The following SYT9 variants were observed in gnomAD, a reference collection of about 807,000 sequenced individuals.
The protein encoded by SYT9 is synaptotagmin-9.
Under a neutral mutation model 48.4 loss-of-function variants are expected in SYT9, and 22 were observed. That is an observed-to-expected ratio of 0.45 (90% confidence interval 0.32 to 0.65). SYT9 has a LOEUF of 0.65. Among genes scored for constraint, SYT9 ranks in the 30% least tolerant of loss-of-function variants. SYT9 has a pLI of 0.03. For missense variants in SYT9, 577 were observed against 622.0 expected, an observed-to-expected ratio of 0.93 and a Z score of 0.77; for synonymous variants, 265 against 245.0, an observed-to-expected ratio of 1.08 and a Z score of -0.76.
intron 3 of SYT9, among the ~76,000 whole-genome samples, chr11:7,382,543 T>C (rs987403638): frequency 6.3e-4 from 96 of 152,260 alleles, no homozygotes; most frequent in African/African-American, 2.2e-3. Flanking sequence ...GCTTATTTGA[T>C]CACTAAATAA....
At chr11:7,338,639 TC>T (rs1444688353) in intron 3 of SYT9, among the ~76,000 whole-genome samples, 1 of 151,856 alleles carries the variant, frequency 6.6e-6, no homozygotes, top group African/African-American at 2.4e-5. Flanking sequence ...TGGTTTAATT[TC>T]CATGTAATTG....
intron 3 of SYT9, among the ~76,000 whole-genome samples, chr11:7,319,166 CT>C (rs36130335): frequency 3.1e-5 from 4 of 127,936 alleles, no homozygotes; most frequent in Admixed American, 1.7e-4. Context: ...CCTATTTCTT[CT>C]TTTTTTTTTT....
chr11:7,280,490 A>G (rs79796016), intron 1 of SYT9, among the ~76,000 whole-genome samples: 4,370 of 152,374 alleles, frequency 0.029, 96 homozygotes, highest in African/African-American at 0.063. Context: ...TAATGTCTAC[A>G]GACAAGACAC....
Position 7,313,718 on chromosome 11 carries a change from C to G in SYT9, c.821C>G (p.Thr274Ser). ...LLPDRKTKHQTKVHRKTLNPV... is the reference protein window; with the variant it reads ...LLPDRKTKHQSKVHRKTLNPV... ...CCTGATCGGAAAACAAAACACCAGA[C>G]TAAAGTTCACAGAAAGACCCTGAAC... The change falls in exon 3 of 7, where the codon ACT becomes AGT. Residue 274 changes from threonine to serine, a missense_variant. By Grantham distance (58) the Thr-to-Ser change is moderately conservative. Coordinates refer to ENST00000318881, the MANE Select transcript of SYT9 (RefSeq NM_175733.4). 2 of 1,614,184 alleles carry G rather than the reference C, an allele frequency of 1.2e-6. No individual in the cohort carries two copies. Among genetic ancestry groups the G allele is most frequent in the Non-Finnish European group, 1.7e-6 (2 of 1,180,016 alleles).
intron 3 of SYT9, among the ~76,000 whole-genome samples, chr11:7,385,985 A>G (rs562406346): frequency 6.6e-6 from 1 of 152,334 alleles, no homozygotes; most frequent in African/African-American, 2.4e-5. Flanking sequence ...TGAGTCTTCC[A>G]ACTCATAAAC....
intron 1 of SYT9, among the ~76,000 whole-genome samples, chr11:7,284,067 T>C (rs1046123712): frequency 4.6e-5 from 7 of 152,204 alleles, no homozygotes; most frequent in African/African-American, 1.7e-4. Flanking sequence ...CTTTCCTTTA[T>C]GGTATTATGT....
At chr11:7,316,330 T>C (rs567746507) in intron 3 of SYT9, among the ~76,000 whole-genome samples, 1 of 152,028 alleles carries the variant, frequency 6.6e-6, no homozygotes, top group Non-Finnish European at 1.5e-5. Flanking sequence ...TATCATCATA[T>C]AAAAAATATA....
intron 3 of SYT9, among the ~76,000 whole-genome samples, chr11:7,378,277 A>G (rs1850493596): frequency 6.6e-6 from 1 of 152,098 alleles, no homozygotes; most frequent in African/African-American, 2.4e-5. Context: ...GTTAGGAGAA[A>G]GAACTGCTGG....
chr11:7,249,843 A>G (rs1847837362), upstream of SYT9, among the ~76,000 whole-genome samples: 1 of 152,152 alleles, frequency 6.6e-6, no homozygotes. Context: ...TGAATGTCTT[A>G]CTGTCTACTT....
chr11:7,423,106 G>A (rs548885332), intron 6 of SYT9, among the ~76,000 whole-genome samples: 1 of 152,138 alleles, frequency 6.6e-6, no homozygotes, highest in East Asian at 1.9e-4. Context: ...AATGCCTGTG[G>A]GGCTTATATG....
At chr11:7,361,730 A>T (rs543009207) in intron 3 of SYT9, among the ~76,000 whole-genome samples, 8 of 152,172 alleles carry the variant, frequency 5.3e-5, no homozygotes, top group Non-Finnish European at 1.0e-4. Flanking sequence ...TTATATTATT[A>T]TGTTGGCTGG....
intron 3 of SYT9, 49 bp downstream of exon 3, chr11:7,313,990 C>A: frequency 6.4e-7 from 1 of 1,562,820 alleles, no homozygotes; most frequent in South Asian, 1.2e-5. Context: ...TCTTGGTTAG[C>A]AAGGAAACAG....
intron 6 of SYT9, among the ~76,000 whole-genome samples, chr11:7,432,572 AAAAAAAAAAAATATATATACAT>A (rs1847610425): frequency 3.2e-4 from 4 of 12,672 alleles, no homozygotes; most frequent in Non-Finnish European, 3.9e-4. Flanking sequence ...AAAAAAAAAA[AAAAAAAAAAAATATATATACAT>A]ATATATATAT....
chr11:7,404,643 A>G (rs1036207802), intron 3 of SYT9, among the ~76,000 whole-genome samples: 14 of 152,096 alleles, frequency 9.2e-5, no homozygotes, highest in African/African-American at 2.7e-4. Context: ...ATGCATCTCA[A>G]TATCGATTTT....
At chr11:7,284,644 C>A (rs190507089) in intron 1 of SYT9, among the ~76,000 whole-genome samples, 3 of 151,948 alleles carry the variant, frequency 2.0e-5, no homozygotes, top group African/African-American at 7.3e-5. Flanking sequence ...TCTGATATTT[C>A]ATAGCAGTGT....
At chr11:7,347,592 C>A (rs977244781) in intron 3 of SYT9, among the ~76,000 whole-genome samples, 15 of 152,260 alleles carry the variant, frequency 9.9e-5, no homozygotes, top group Non-Finnish European at 7.4e-5. Flanking sequence ...GATCTTGGGG[C>A]TGGCAGCTGT....
At chr11:7,286,169 C>T (rs1415120296) in intron 1 of SYT9, among the ~76,000 whole-genome samples, 1 of 152,124 alleles carries the variant, frequency 6.6e-6, no homozygotes, top group Non-Finnish European at 1.5e-5. Flanking sequence ...AGCAGAGGTT[C>T]TCCATGAGGG....
intron 3 of SYT9, among the ~76,000 whole-genome samples, chr11:7,325,617 C>T (rs1252020040): frequency 1.3e-4 from 8 of 62,618 alleles, no homozygotes; most frequent in South Asian, 6.9e-4. Context: ...CTTCTCCTGC[C>T]TGATTGCCCT....
intron 1 of SYT9, among the ~76,000 whole-genome samples, chr11:7,292,511 C>T (rs1848712439): frequency 6.6e-6 from 1 of 152,222 alleles, no homozygotes; most frequent in African/African-American, 2.4e-5. Context: ...AGCTGGTCTC[C>T]ATTTCCTGAA....
Sources: gnomAD v4.1 joint callset for allele counts (sites outside exome capture counted in the v4.1 genomes callset) on GRCh38, gnomAD v4.1.1 for gene constraint, MANE v1.5 for transcripts, NCBI Gene and HGNC (gene_info 2026-07-23, HGNC 2026-07-21) for gene names.